DSCAM: variants seen among roughly 807,000 people sequenced by gnomAD.
DSCAM encodes the protein DS cell adhesion molecule.
DSCAM carries 47 observed loss-of-function variants against 217.7 expected under a neutral mutation model. That is an observed-to-expected ratio of 0.22 (90% CI 0.17 to 0.28). The LOEUF is 0.28. Among genes scored for constraint, DSCAM ranks in the 10% least tolerant of loss-of-function variants. The pLI is 1.00. For missense variants in DSCAM, 2,080 were observed against 2,618.3 expected (o/e 0.79, Z 4.49); for synonymous variants, 1,056 against 1,015.3 (o/e 1.04, Z -0.76).
intron 3 of DSCAM, among the ~76,000 whole-genome samples, chr21:40,584,276 T>C (rs2076927221): frequency 6.6e-6 from 1 of 152,144 alleles, no homozygotes; most frequent in Non-Finnish European, 1.5e-5. Flanking sequence ...AGTTACCTCA[T>C]GGTAGAAGTA....
intron 20 of DSCAM, among the ~76,000 whole-genome samples, chr21:40,109,375 A>G (rs11701451): frequency 0.12 from 18,629 of 152,300 alleles, 1,247 homozygotes; most frequent in Non-Finnish European, 0.16. Flanking sequence ...ACCTACATGC[A>G]GCCAACAAGC....
intron 3 of DSCAM, among the ~76,000 whole-genome samples, chr21:40,611,057 A>ATTTTTTTTTT (rs527262141): frequency 7.7e-6 from 1 of 129,794 alleles, no homozygotes; most frequent in African/African-American, 2.8e-5. Context: ...TTAGTTTTCA[A>ATTTTTTTTTT]TTTTTTTTTT....
intron 3 of DSCAM, among the ~76,000 whole-genome samples, chr21:40,584,487 A>G (rs148662427): frequency 1.2e-3 from 183 of 152,310 alleles, no homozygotes; most frequent in Admixed American, 2.5e-3. Context: ...ATCAGGAAGA[A>G]TCGCAGAATG....
chr21:40,338,076 T>A (rs918368723), intron 8 of DSCAM, 25 bp downstream of exon 8: 1 of 1,609,434 alleles, frequency 6.2e-7, no homozygotes, highest in African/African-American at 1.3e-5. Context: ...ATGAGTTGTG[T>A]GGGAACCAGG....
At chr21:40,552,854 T>C (rs1195169457) in intron 3 of DSCAM, among the ~76,000 whole-genome samples, 1 of 152,232 alleles carries the variant, frequency 6.6e-6, no homozygotes, top group Non-Finnish European at 1.5e-5. Flanking sequence ...AAAGCTTTCA[T>C]TTCACCCAAT....
intron 14 of DSCAM, among the ~76,000 whole-genome samples, chr21:40,183,031 C>T (rs1384192281): frequency 2.1e-5 from 1 of 48,084 alleles, no homozygotes; most frequent in Non-Finnish European, 3.6e-5. Context: ...CCAGAGAAAC[C>T]GTGGACAGGA....
Position 40,178,806 on chromosome 21 carries a change from G to C in DSCAM, c.2947+121C>G, listed in dbSNP as rs2090761493. The C allele has an allele frequency of 2.5e-6, 3 of 1,178,872 alleles. No individual in the cohort carries two copies. The East Asian group carries it at 7.6e-5, about 30-fold the overall frequency. 73.0% of individuals were successfully genotyped at this position (1,178,872 alleles called of 1,614,324 possible). ...TTTATAGGGCACAGAACTACGGAGA[G>C]CACGCATCAAAGACCTCCGCCTAGC... On this transcript the variant is annotated intron_variant, in intron 15 of 32. Transcript: ENST00000400454.
intron 15 of DSCAM, among the ~76,000 whole-genome samples, chr21:40,177,547 T>C (rs924735255): frequency 2.0e-5 from 3 of 152,220 alleles, no homozygotes; most frequent in African/African-American, 4.8e-5. Flanking sequence ...TGATTACAGA[T>C]ATCAGAAGGG....
intron 11 of DSCAM, among the ~76,000 whole-genome samples, chr21:40,236,758 G>A (rs1414154448): frequency 6.6e-6 from 1 of 152,162 alleles, no homozygotes; most frequent in Non-Finnish European, 1.5e-5. Flanking sequence ...TTGGGACCAT[G>A]ACTGATCTAC....
intron 8 of DSCAM, among the ~76,000 whole-genome samples, chr21:40,322,410 C>T (rs903647699): frequency 6.6e-6 from 1 of 152,150 alleles, no homozygotes; most frequent in African/African-American, 2.4e-5. Flanking sequence ...GTTCTGATGA[C>T]AAAGGTCCAA....
intron 11 of DSCAM, among the ~76,000 whole-genome samples, chr21:40,228,940 A>T (rs1357570262): frequency 6.6e-6 from 1 of 152,102 alleles, no homozygotes. Flanking sequence ...GTATGTATCC[A>T]TTGTATCTCT....
chr21:40,106,721 T>C (rs964446449), intron 20 of DSCAM, among the ~76,000 whole-genome samples: 10 of 152,236 alleles, frequency 6.6e-5, no homozygotes, highest in African/African-American at 4.8e-5. Context: ...GTTCAGGAAT[T>C]TATCCATTTC....
chr21:40,554,467 C>T (rs913209637), intron 3 of DSCAM, among the ~76,000 whole-genome samples: 39 of 152,130 alleles, frequency 2.6e-4, no homozygotes, highest in African/African-American at 8.9e-4. Context: ...CCCTCAAGTC[C>T]TTCACCTTGT....
Position 40,692,902 on chromosome 21 carries a change from T to C in DSCAM, c.416A>G (p.Asn139Ser). 1.2e-6 allele frequency: 2 copies of C among 1,613,948 alleles called. No individual in the cohort carries two copies. Among genetic ancestry groups the C allele is most frequent in the Non-Finnish European group, 1.7e-6 (2 of 1,179,894 alleles). Residue 139 changes from asparagine (N) to serine (S), a missense_variant, in exon 3 of 33, where the codon AAT becomes AGT. Asn to Ser is a conservative substitution (Grantham distance 46). Coordinates refer to ENST00000400454, the MANE Select transcript of DSCAM (RefSeq NM_001389.5). ...GATAATGCACTTGAAGACCGCAACA[T>C]TGCCTCTCATGGTTTTCTGGTCCTC... ...RVEDQKTMRG[N>S]VAVFKCIIPS...
At chr21:40,310,088 C>G (rs2074121306) in intron 9 of DSCAM, among the ~76,000 whole-genome samples, 2 of 152,194 alleles carry the variant, frequency 1.3e-5, no homozygotes, top group African/African-American at 4.8e-5. Flanking sequence ...GGTCCCACCT[C>G]CAAAGATGGT....
At chr21:40,228,073 T>C (rs1156294838) in intron 11 of DSCAM, among the ~76,000 whole-genome samples, 1 of 152,176 alleles carries the variant, frequency 6.6e-6, no homozygotes, top group Non-Finnish European at 1.5e-5. Flanking sequence ...CTGTTGTTTT[T>C]CTCATTTTTA....
intron 28 of DSCAM, among the ~76,000 whole-genome samples, chr21:40,058,028 A>G (rs1162737383): frequency 6.6e-6 from 1 of 151,910 alleles, no homozygotes; most frequent in Non-Finnish European, 1.5e-5. Context: ...GGTGCCCACC[A>G]CCATGTCTGG....
chr21:40,825,871 T>A (rs1314799957), intron 1 of DSCAM, among the ~76,000 whole-genome samples: 1 of 152,152 alleles, frequency 6.6e-6, no homozygotes, highest in East Asian at 1.9e-4. Flanking sequence ...TGTCATTCCA[T>A]CAGAAATATA....
intron 3 of DSCAM, among the ~76,000 whole-genome samples, chr21:40,631,874 G>C (rs2089695704): frequency 6.6e-6 from 1 of 152,216 alleles, no homozygotes; most frequent in Non-Finnish European, 1.5e-5. Flanking sequence ...AAGGGTGATG[G>C]CAACAGAGGC....
Sources: gnomAD v4.1 joint callset for allele counts (sites outside exome capture counted in the v4.1 genomes callset) on GRCh38, gnomAD v4.1.1 for gene constraint, MANE v1.5 for transcripts, NCBI Gene and HGNC (gene_info 2026-07-23, HGNC 2026-07-21) for gene names.